The following SAMD8 variants were observed in gnomAD, a reference collection of about 807,000 sequenced individuals.
SAMD8 encodes sphingomyelin synthase-related protein 1.
Under a neutral mutation model 42.0 loss-of-function variants are expected in SAMD8, and 20 were observed. The observed-to-expected ratio is 0.48, with a 90% CI of 0.34 to 0.69. SAMD8 has a LOEUF of 0.69. Among genes scored for constraint, SAMD8 ranks in the 30% least tolerant of loss-of-function variants. The probability of loss-of-function intolerance (pLI) is 0.01; values close to 1 mark genes in which losing one functional copy is unlikely to be tolerated. For missense variants in SAMD8, 328 were observed against 511.6 expected (o/e 0.64, Z 3.46); for synonymous variants, 162 against 173.0 (o/e 0.94, Z 0.50).
intron 4 of SAMD8, among the ~76,000 whole-genome samples, chr10:75,169,537 T>A (rs1840796094): frequency 6.6e-6 from 1 of 151,986 alleles, no homozygotes; most frequent in African/African-American, 2.4e-5. Flanking sequence ...CAATTATCAT[T>A]TTCCCTTTCC....
chr10:75,154,511 A>C (rs1589964177), intron 2 of SAMD8, among the ~76,000 whole-genome samples: 1 of 152,224 alleles, frequency 6.6e-6, no homozygotes, highest in East Asian at 1.9e-4. Context: ...AGCAGATCTG[A>C]GAGGAGACAA....
At chr10:75,135,018 G>C (rs1403934401) in intron 1 of SAMD8, among the ~76,000 whole-genome samples, 1 of 151,970 alleles carries the variant, frequency 6.6e-6, no homozygotes, top group Admixed American at 6.6e-5. Flanking sequence ...CTATAATTGT[G>C]TCATTGCTCT....
chr10:75,150,576 T>C lies in SAMD8; in HGVS notation c.48T>C (p.His16=). 1 of 1,614,174 alleles carries C rather than the reference T, an allele frequency of 6.2e-7. No individual in the cohort carries two copies. ...QLCIRRWTTK[H]VAVWLKDEGF... ...GCATTCGCCGCTGGACTACCAAGCA[T>C]GTAGCTGTGTGGCTGAAGGATGAAG... is the stretch of plus-strand genomic sequence containing the variant. Residue 16 remains histidine, a synonymous_variant, in exon 2 of 6, where the codon CAT becomes CAC. Coordinates refer to ENST00000542569, the MANE Select transcript of SAMD8 (RefSeq NM_001174156.2).
intron 2 of SAMD8, among the ~76,000 whole-genome samples, chr10:75,156,873 C>G (rs1430736087): frequency 2.6e-5 from 4 of 151,900 alleles, no homozygotes; most frequent in Non-Finnish European, 5.9e-5. Flanking sequence ...ATTTTTGGGA[C>G]AATTAGGAAA....
At chr10:75,153,276 T>C (rs1840334892) in intron 2 of SAMD8, among the ~76,000 whole-genome samples, 1 of 151,992 alleles carries the variant, frequency 6.6e-6, no homozygotes, top group Non-Finnish European at 1.5e-5. Context: ...GCCACTGCGC[T>C]TGGCCCCTTG....
rs1414634737 is a variant in SAMD8 at position 75,176,793 on chromosome 10, T to C, written c.*101T>C. 8 of 860,744 alleles carry C rather than the reference T, an allele frequency of 9.3e-6. No homozygotes were observed. Among genetic ancestry groups the C allele is most frequent in the Non-Finnish European group, 1.4e-5 (8 of 572,592 alleles). 53.3% of individuals were successfully genotyped at this position (860,744 alleles called of 1,614,324 possible). A position where few individuals can be genotyped will look rare whatever the true frequency, so the allele number is the denominator to read the frequency against. On this transcript the variant is annotated 3_prime_UTR_variant, in exon 6 of 6. Transcript: ENST00000542569. This position sits in a 1 kb window ranked among gnomAD's most constrained non-coding sequence, Gnocchi z 4.3. ...AGGTTGTTCTTAGATGCCTGGCTTATGTGTTGACAAAGTAAAGTTTTCTGT... is the reference window on the plus strand; with the variant it reads ...AGGTTGTTCTTAGATGCCTGGCTTACGTGTTGACAAAGTAAAGTTTTCTGT...
rs767371626 is a variant in SAMD8, at chr10:75,105,915, A to AC, written c.-16+6190dup. 3 of 1,522,050 alleles carry AC rather than the reference A, an allele frequency of 2.0e-6. No homozygotes were observed. The South Asian group carries it at 3.6e-5, about 18-fold the overall frequency. 94.3% of individuals were successfully genotyped at this position (1,522,050 alleles called of 1,614,324 possible). ...AAAACCCTGTCCCACACACCGGCCCACCCACGGGCTGGGATGGGGACCCAA... is the reference window on the plus strand; with the variant it reads ...AAAACCCTGTCCCACACACCGGCCCACCCCACGGGCTGGGATGGGGACCCAA... On this transcript the variant is annotated intron_variant, in intron 1 of 3. Coordinates refer to the SAMD8 transcript ENST00000447533.
intron 3 of SAMD8, 156 bp from the exon 4 acceptor site, chr10:75,168,385 G>A: frequency 1.0e-6 from 1 of 974,550 alleles, no homozygotes; most frequent in Non-Finnish European, 1.2e-6. Flanking sequence ...AATTCTGTTG[G>A]ACAACGATGC....
intron 1 of SAMD8, among the ~76,000 whole-genome samples, chr10:75,139,118 G>A (rs570363955): frequency 1.3e-5 from 2 of 151,554 alleles, no homozygotes; most frequent in East Asian, 3.9e-4. Context: ...GCACCACCAC[G>A]CCCGATTAAT....
At position 75,146,272 on chromosome 10, in the gene SAMD8, C is replaced by CTTTTTTTT. The variant is rs202162176; in HGVS notation, c.-15-4221_-15-4214dup. On this transcript the variant is annotated intron_variant, in intron 1 of 5. Coordinates refer to ENST00000542569, the MANE Select transcript of SAMD8 (RefSeq NM_001174156.2). ...TTTCCTGATGTCCAGTGTCTTGACA[C>CTTTTTTTT]TTTTTTTTTTTTTTTTTTTTTTTTT... Among the ~76,000 whole-genome samples the CTTTTTTTT allele has an allele frequency of 1.3e-4, 9 of 68,142 alleles. 1 individual carries two copies. Among genetic ancestry groups the CTTTTTTTT allele is most frequent in the African/African-American group, 6.2e-4 (9 of 14,426 alleles). The allele number at this position is 68,142 out of a possible 152,430, so 44.7% of individuals were successfully genotyped here.
At chr10:75,153,611 CA>C (rs561306598) in intron 2 of SAMD8, among the ~76,000 whole-genome samples, 109 of 138,228 alleles carry the variant, frequency 7.9e-4, no homozygotes, top group African/African-American at 1.2e-3. Context: ...GAGACTGTCT[CA>C]AAAAAAAAAA....
chr10:75,155,938 T>C (rs1840400874), intron 2 of SAMD8, among the ~76,000 whole-genome samples: 1 of 152,176 alleles, frequency 6.6e-6, no homozygotes, highest in Admixed American at 6.5e-5. Flanking sequence ...AGGCCAGGTA[T>C]GGTGGCTGAC....
chr10:75,130,339 T>C (rs1278941624), intron 1 of SAMD8, among the ~76,000 whole-genome samples: 1 of 151,734 alleles, frequency 6.6e-6, no homozygotes, highest in East Asian at 1.9e-4. Flanking sequence ...CCGTCTCTAC[T>C]AAAAATACAA....
rs150270326 is a variant in SAMD8 at position 75,135,308 on chromosome 10, T to C, written c.-15-15206T>C. On this transcript the variant is annotated intron_variant, in intron 1 of 5. Coordinates refer to ENST00000542569, the MANE Select transcript of SAMD8 (RefSeq NM_001174156.2). ...TCTCTACTAAAAATACAAATTTAGC[T>C]GGGCAGTGGTGGTGCATGCCTGTAA... Among the ~76,000 whole-genome samples, 1,035 of 150,750 alleles carry C rather than the reference T, an allele frequency of 6.9e-3. 14 individuals are homozygous for C. Among genetic ancestry groups the C allele is most frequent in the African/African-American group, 0.024 (990 of 41,090 alleles).
chr10:75,123,894 AT>A (rs1420015217), intron 1 of SAMD8, among the ~76,000 whole-genome samples: 1 of 151,688 alleles, frequency 6.6e-6, no homozygotes, highest in East Asian at 1.9e-4. Flanking sequence ...CGCCCAGGTA[AT>A]TTTTTGTATT....
intron 4 of SAMD8, among the ~76,000 whole-genome samples, chr10:75,169,169 C>CAA (rs1023080854): frequency 0.17 from 5,263 of 30,106 alleles, 641 homozygotes; most frequent in East Asian, 0.54. Flanking sequence ...GACTCCATCT[C>CAA]AAAAAAAAAA....
intron 2 of SAMD8, among the ~76,000 whole-genome samples, chr10:75,162,870 A>G (rs779495743): frequency 1.6e-4 from 24 of 152,140 alleles, no homozygotes; most frequent in Non-Finnish European, 3.1e-4. Context: ...AAAAAAGAAG[A>G]ATTTATTAGC....
Position 75,150,591 on chromosome 10 carries a change from G to A in SAMD8, c.63G>A (p.Leu21=). 1 of 1,614,160 alleles carries A rather than the reference G, an allele frequency of 6.2e-7. No homozygotes were observed. Among genetic ancestry groups the A allele is most frequent in the Non-Finnish European group, 8.5e-7 (1 of 1,180,034 alleles). Residue 21 remains leucine, a synonymous_variant, in exon 2 of 6, where the codon CTG becomes CTA. Coordinates refer to ENST00000542569, the MANE Select transcript of SAMD8 (RefSeq NM_001174156.2). ...RWTTKHVAVW[L]KDEGFFEYVD... ...CTACCAAGCATGTAGCTGTGTGGCT[G>A]AAGGATGAAGGCTTTTTTGAATATG...
chr10:75,136,245 A>AT (rs1477889848), intron 1 of SAMD8, among the ~76,000 whole-genome samples: 1 of 152,160 alleles, frequency 6.6e-6, no homozygotes, highest in Non-Finnish European at 1.5e-5. Flanking sequence ...CTAATAGGTT[A>AT]TTTTACTATT....
Sources: gnomAD v4.1 joint callset for allele counts (sites outside exome capture counted in the v4.1 genomes callset) on GRCh38, gnomAD v4.1.1 for gene constraint, Gnocchi (gnomAD v3.1) non-coding constraint, MANE v1.5 for transcripts, NCBI Gene and HGNC (gene_info 2026-07-23, HGNC 2026-07-21) for gene names.